The following RNF220 variants were observed in gnomAD, a reference collection of about 807,000 sequenced individuals.
RNF220 encodes the protein E3 ubiquitin-protein ligase RNF220.
In RNF220, 7 loss-of-function variants were observed where a neutral mutation model predicts 67.1. The ratio of observed to expected loss-of-function variants is 0.10; its 90% confidence interval spans 0.06 to 0.20. RNF220 has a LOEUF of 0.20. Among genes scored for constraint, RNF220 ranks in the 10% least tolerant of loss-of-function variants. RNF220 has a pLI of 1.00. For missense variants in RNF220, 565 were observed against 740.3 expected, an observed-to-expected ratio of 0.76 and a Z score of 2.75; for synonymous variants, 270 against 283.2, an observed-to-expected ratio of 0.95 and a Z score of 0.47.
At chr1:44,508,779 T>C (rs1658678196) in intron 2 of RNF220, among the ~76,000 whole-genome samples, 2 of 152,220 alleles carry the variant, frequency 1.3e-5, no homozygotes, top group African/African-American at 2.4e-5. Flanking sequence ...CTTTAGACCC[T>C]CGTGGTGGAA....
At chr1:44,574,076 A>C (rs1664637904) in intron 2 of RNF220, among the ~76,000 whole-genome samples, 1 of 152,254 alleles carries the variant, frequency 6.6e-6, no homozygotes, top group South Asian at 2.1e-4. Flanking sequence ...ACTGGACTCC[A>C]GCCTGAGCAA....
chr1:44,416,332 A>G (rs982379897), intron 2 of RNF220, among the ~76,000 whole-genome samples: 6 of 152,276 alleles, frequency 3.9e-5, no homozygotes, highest in African/African-American at 1.4e-4. Flanking sequence ...TGTGCTTTAC[A>G]TATGAAATGT....
chr1:44,442,478 C>T (rs1251924655), intron 2 of RNF220, among the ~76,000 whole-genome samples: 2 of 147,970 alleles, frequency 1.4e-5, no homozygotes, highest in Non-Finnish European at 3.0e-5. Flanking sequence ...AAGGAGAGCT[C>T]TTGATTCTTT....
chr1:44,530,526 A>C (rs1035020185), intron 2 of RNF220, among the ~76,000 whole-genome samples: 2 of 56,582 alleles, frequency 3.5e-5, no homozygotes, highest in Non-Finnish European at 7.6e-5. Context: ...ATGGAGTCAA[A>C]TCTGCAAAAA....
intron 2 of RNF220, among the ~76,000 whole-genome samples, chr1:44,457,808 T>G (rs1334853876): frequency 6.6e-6 from 1 of 152,214 alleles, no homozygotes. Flanking sequence ...ACTACATATA[T>G]ACTTTCAACA....
chr1:44,582,499 G>C (rs1357735159), intron 2 of RNF220, among the ~76,000 whole-genome samples: 1 of 152,212 alleles, frequency 6.6e-6, no homozygotes, highest in Admixed American at 6.5e-5. Flanking sequence ...GCTCACGCCT[G>C]TAATCCCAGC....
chr1:44,589,739 G>A (rs1665982657), intron 2 of RNF220, among the ~76,000 whole-genome samples: 1 of 152,094 alleles, frequency 6.6e-6, no homozygotes, highest in Non-Finnish European at 1.5e-5. Flanking sequence ...TGGAAAAACT[G>A]GCTTAAGGAG....
chr1:44,448,186 C>A (rs1016509016), intron 2 of RNF220, among the ~76,000 whole-genome samples: 2 of 152,186 alleles, frequency 1.3e-5, no homozygotes, highest in Non-Finnish European at 2.9e-5. Context: ...GTAATCCCAG[C>A]TACTTGGGAG....
intron 2 of RNF220, among the ~76,000 whole-genome samples, chr1:44,581,328 G>A (rs909739282): frequency 7.9e-5 from 12 of 152,174 alleles, no homozygotes; most frequent in African/African-American, 2.4e-4. Context: ...CCTCTACGCC[G>A]GCAGGACAGG....
At chr1:44,429,778 G>A (rs1462107517) in intron 2 of RNF220, among the ~76,000 whole-genome samples, 1 of 152,174 alleles carries the variant, frequency 6.6e-6, no homozygotes, top group East Asian at 1.9e-4. Context: ...CTATAAGGCA[G>A]CAGCAGAGTC....
chr1:44,411,904 G>A (rs1259304025), intron 1 of RNF220, 77 bp from the exon 2 acceptor site: 2 of 597,126 alleles, frequency 3.3e-6, no homozygotes, highest in Non-Finnish European at 2.9e-6. Context: ...ATGGTGTTTC[G>A]ATCACTTGGG....
intron 2 of RNF220, among the ~76,000 whole-genome samples, chr1:44,451,077 G>A (rs980680123): frequency 2.0e-5 from 3 of 152,096 alleles, no homozygotes; most frequent in Non-Finnish European, 4.4e-5. Context: ...CAGCTACTCA[G>A]GAGGCTGAGG....
At chr1:44,616,586 C>T (rs1325117692) in intron 3 of RNF220, among the ~76,000 whole-genome samples, 1 of 152,202 alleles carries the variant, frequency 6.6e-6, no homozygotes, top group Non-Finnish European at 1.5e-5. Context: ...TAATCACTCC[C>T]CATCCCTACC....
intron 2 of RNF220, among the ~76,000 whole-genome samples, chr1:44,529,348 T>TAC (rs143407827): frequency 0.17 from 25,792 of 149,916 alleles, 2,646 homozygotes; most frequent in Middle Eastern, 0.28. Flanking sequence ...AAAAAGGAAT[T>TAC]ACACACACAC....
At chr1:44,437,690 G>A (rs1249986363) in intron 2 of RNF220, among the ~76,000 whole-genome samples, 1 of 152,194 alleles carries the variant, frequency 6.6e-6, no homozygotes, top group Admixed American at 6.5e-5. Context: ...TTAAGAAAAA[G>A]CACCTCTTAG....
intron 2 of RNF220, among the ~76,000 whole-genome samples, chr1:44,476,935 GA>G (rs1451616466): frequency 6.6e-6 from 1 of 152,190 alleles, no homozygotes; most frequent in African/African-American, 2.4e-5. Flanking sequence ...AGCAAGCAGG[GA>G]AAGTGTAAGC....
At chr1:44,445,167 G>A (rs1651947173) in intron 2 of RNF220, among the ~76,000 whole-genome samples, 1 of 152,138 alleles carries the variant, frequency 6.6e-6, no homozygotes, top group Admixed American at 6.6e-5. Flanking sequence ...CTTTGGTGAA[G>A]TGCCTGTTCA....
At chr1:44,478,007 C>T (rs537510966) in intron 2 of RNF220, among the ~76,000 whole-genome samples, 16 of 152,308 alleles carry the variant, frequency 1.1e-4, no homozygotes, top group African/African-American at 3.6e-4. Flanking sequence ...GAGACAGGGT[C>T]TCGCTCTGTC....
Position 44,645,455 on chromosome 1 carries a change from T to A in RNF220, c.1412T>A (p.Met471Lys). Reference protein sequence around the residue: ...SNGESSKQEAMQKTCKNSDIE... With the variant: ...SNGESSKQEAKQKTCKNSDIE... ...GGTGAAAGCAGCAAGCAGGAGGCCA[T>A]GCAGAAGACCTGCAAGAACAGCGAC... The change falls in exon 12 of 15, where the codon ATG becomes AAG. Residue 471 changes from methionine to lysine, a missense_variant. Met to Lys is a moderately conservative substitution (Grantham distance 95). Coordinates refer to ENST00000361799, the MANE Select transcript of RNF220 (RefSeq NM_018150.4). This position sits in a 1 kb window ranked among gnomAD's most constrained non-coding sequence, Gnocchi z 5.0. 1 of 1,614,044 alleles carries A rather than the reference T, an allele frequency of 6.2e-7. No homozygotes were observed. Among genetic ancestry groups the A allele is most frequent in the Non-Finnish European group, 8.5e-7 (1 of 1,180,010 alleles).
Sources: allele counts gnomAD v4.1 joint callset (sites outside exome capture counted in the v4.1 genomes callset), GRCh38; gene constraint gnomAD v4.1.1; non-coding constraint Gnocchi (gnomAD v3.1); transcripts MANE v1.5; gene names NCBI Gene and HGNC (gene_info 2026-07-23, HGNC 2026-07-21).